The following ANKS1B variants were observed in gnomAD, a reference collection of about 807,000 sequenced individuals.
ANKS1B encodes ankyrin repeat and sterile alpha motif domain containing 1B.
A neutral mutation model predicts 148.3 loss-of-function variants in ANKS1B; 36 were observed. The ratio of observed to expected loss-of-function variants is 0.24; its 90% CI spans 0.19 to 0.32. ANKS1B has a LOEUF of 0.32. Ranked by LOEUF, ANKS1B falls within the 10% of genes least tolerant of loss-of-function variation. The pLI is 1.00. For synonymous variants in ANKS1B, 542 were observed against 560.8 expected, an observed-to-expected ratio of 0.97 and a Z score of 0.47; for missense variants, 1,157 against 1,542.6, an observed-to-expected ratio of 0.75 and a Z score of 4.19.
At position 98,810,182 on chromosome 12, in the gene ANKS1B, T is replaced by C. The variant is rs1400177286; in HGVS notation, c.3067-2264A>G. ...CTGGACAAGAGATTGATTCAGTAAC[T>C]TTATCCAAATAAGATTACTAACCAT... On this transcript the variant is annotated intron_variant, in intron 19 of 26. Transcript: ENST00000683438. Among the ~76,000 whole-genome samples the C allele has an allele frequency of 2.0e-5, 3 of 152,208 alleles. No homozygotes were observed. The East Asian group carries it at 5.8e-4, about 29-fold the overall frequency.
intron 8 of ANKS1B, among the ~76,000 whole-genome samples, chr12:99,736,100 G>A (rs1477050220): frequency 6.6e-6 from 1 of 151,832 alleles, no homozygotes; most frequent in Non-Finnish European, 1.5e-5. Context: ...TAGCATAGAA[G>A]GTAGATATCT....
chr12:99,265,078 T>C (rs1270877563), intron 12 of ANKS1B, among the ~76,000 whole-genome samples: 1 of 152,166 alleles, frequency 6.6e-6, no homozygotes, highest in Non-Finnish European at 1.5e-5. Flanking sequence ...AAATCAATAA[T>C]TTAATTTTAA....
At chr12:99,496,016 C>G (rs2096600902) in intron 10 of ANKS1B, among the ~76,000 whole-genome samples, 1 of 152,314 alleles carries the variant, frequency 6.6e-6, no homozygotes, top group South Asian at 2.1e-4. Context: ...GCAAATTGAA[C>G]AGAGGTAACT....
At chr12:99,490,034 C>A (rs1247378476) in intron 10 of ANKS1B, among the ~76,000 whole-genome samples, 1 of 152,154 alleles carries the variant, frequency 6.6e-6, no homozygotes, top group Non-Finnish European at 1.5e-5. Context: ...CTTCTTGAAT[C>A]CCAGTATCTA....
chr12:99,448,299 T>G (rs1252880317), intron 10 of ANKS1B, among the ~76,000 whole-genome samples: 1 of 152,142 alleles, frequency 6.6e-6, no homozygotes, highest in Non-Finnish European at 1.5e-5. Context: ...GTTATCAGTA[T>G]AGATGAACCT....
At chr12:99,958,805 G>T (rs117595755) in intron 1 of ANKS1B, among the ~76,000 whole-genome samples, 3 of 152,270 alleles carry the variant, frequency 2.0e-5, no homozygotes, top group African/African-American at 7.2e-5. Context: ...AAGGAAAAAC[G>T]TCAGGCATGG....
chr12:99,004,295 G>A (rs953200411), intron 17 of ANKS1B, among the ~76,000 whole-genome samples: 4 of 152,118 alleles, frequency 2.6e-5, no homozygotes, highest in Admixed American at 6.5e-5. Flanking sequence ...CAGCAGTTTT[G>A]TGACTTCAAG....
At chr12:99,070,945 A>G (rs557794662) in intron 16 of ANKS1B, among the ~76,000 whole-genome samples, 20 of 152,332 alleles carry the variant, frequency 1.3e-4, no homozygotes, top group African/African-American at 4.3e-4. Flanking sequence ...GATTACAGGC[A>G]TAAGCCAACA....
rs551188554 is a variant in ANKS1B, at chr12:99,530,376, G to A, written c.1273-25735C>T. Among the ~76,000 whole-genome samples the A allele has an allele frequency of 2.6e-5, 4 of 152,272 alleles. No individual in the cohort carries two copies. The South Asian group carries it at 8.3e-4, about 32-fold the overall frequency. On this transcript the variant is annotated intron_variant, in intron 9 of 26. Transcript: ENST00000683438. ...TTTCTGCAGGTGAGAAGATCACAAAGAGAATAAGTGACACAAGCTCAGTTT... is the reference window on the plus strand; with the variant it reads ...TTTCTGCAGGTGAGAAGATCACAAAAAGAATAAGTGACACAAGCTCAGTTT...
chr12:99,439,653 G>A (rs573191873), intron 11 of ANKS1B, among the ~76,000 whole-genome samples: 1 of 151,684 alleles, frequency 6.6e-6, no homozygotes, highest in Non-Finnish European at 1.5e-5. Flanking sequence ...AGTTTAAAAG[G>A]CGAGAATGTG....
At chr12:99,885,602 CT>C (rs1231876458) in intron 1 of ANKS1B, among the ~76,000 whole-genome samples, 2 of 151,410 alleles carry the variant, frequency 1.3e-5, no homozygotes, top group South Asian at 2.1e-4. Flanking sequence ...CGCGCCCGGT[CT>C]TTTTTTTTAT....
At chr12:99,082,227 A>G (rs558570067) in intron 16 of ANKS1B, among the ~76,000 whole-genome samples, 3 of 152,318 alleles carry the variant, frequency 2.0e-5, no homozygotes, top group African/African-American at 7.2e-5. Context: ...AAAAAAGCAA[A>G]TAAATAATAT....
intron 20 of ANKS1B, among the ~76,000 whole-genome samples, chr12:98,806,554 T>C (rs1430972714): frequency 6.6e-6 from 1 of 152,224 alleles, no homozygotes; most frequent in Admixed American, 6.5e-5. Flanking sequence ...ATAAGATATA[T>C]GTGATTACAT....
intron 10 of ANKS1B, among the ~76,000 whole-genome samples, chr12:99,500,701 CTTT>C (rs2096646916): frequency 6.6e-6 from 1 of 152,166 alleles, no homozygotes; most frequent in Non-Finnish European, 1.5e-5. Context: ...CCAAAGAACT[CTTT>C]GTGAAACACT....
chr12:98,927,990 A>G (rs541801979), intron 17 of ANKS1B, among the ~76,000 whole-genome samples: 2 of 151,806 alleles, frequency 1.3e-5, no homozygotes, highest in East Asian at 3.9e-4. Flanking sequence ...CAACAAAACC[A>G]AAAGTGTATT....
chr12:99,202,262 G>T (rs1446203498), intron 14 of ANKS1B, among the ~76,000 whole-genome samples: 1 of 152,144 alleles, frequency 6.6e-6, no homozygotes, highest in African/African-American at 2.4e-5. Context: ...CAGGACAAAT[G>T]CATAATTCTT....
intron 4 of ANKS1B, among the ~76,000 whole-genome samples, chr12:99,800,615 C>T (rs1032319780): frequency 6.6e-6 from 1 of 151,986 alleles, no homozygotes; most frequent in African/African-American, 2.4e-5. Context: ...TGAAAGAAAC[C>T]GTAAAATTCT....
chr12:99,699,275 C>T (rs771980990), intron 8 of ANKS1B, among the ~76,000 whole-genome samples: 3 of 152,086 alleles, frequency 2.0e-5, no homozygotes. Context: ...CACCATTTTT[C>T]CATGTGTTTT....
At chr12:99,410,746 G>A (rs531318632) in intron 11 of ANKS1B, among the ~76,000 whole-genome samples, 27 of 152,324 alleles carry the variant, frequency 1.8e-4, no homozygotes, top group Non-Finnish European at 3.4e-4. Context: ...ACACAGGAAC[G>A]ACTGTGATTG....
Sources: gnomAD v4.1 joint callset for allele counts (sites outside exome capture counted in the v4.1 genomes callset) on GRCh38, gnomAD v4.1.1 for gene constraint, MANE v1.5 for transcripts, NCBI Gene and HGNC (gene_info 2026-07-23, HGNC 2026-07-21) for gene names.